MAGI2: variants seen among roughly 807,000 people sequenced by gnomAD.
MAGI2 encodes the protein membrane-associated guanylate kinase, WW and PDZ domain-containing protein 2.
MAGI2 carries 35 observed loss-of-function variants against 133.3 expected under a neutral mutation model. That is an observed-to-expected ratio of 0.26 (90% confidence interval 0.20 to 0.35). The LOEUF (loss-of-function observed/expected upper bound fraction) is 0.35, where lower values mean the gene tolerates loss of function less well. Among genes scored for constraint, MAGI2 ranks in the 10% least tolerant of loss-of-function variants. The pLI is 1.00. For missense variants in MAGI2, 1,636 were observed against 1,863.4 expected, an observed-to-expected ratio of 0.88 and a Z score of 2.25; for synonymous variants, 729 against 710.6, an observed-to-expected ratio of 1.03 and a Z score of -0.41.
chr7:78,387,284 C>T (rs1409670738), intron 6 of MAGI2, among the ~76,000 whole-genome samples: 1 of 152,142 alleles, frequency 6.6e-6, no homozygotes, highest in Non-Finnish European at 1.5e-5. Flanking sequence ...GTCTTTACAA[C>T]TCTAGGCAAA....
At chr7:78,674,589 G>C (rs1320829321) in intron 2 of MAGI2, among the ~76,000 whole-genome samples, 2 of 152,158 alleles carry the variant, frequency 1.3e-5, no homozygotes, top group Non-Finnish European at 1.5e-5. Flanking sequence ...AAATCAATGT[G>C]AATAAGAAAT....
At chr7:78,656,951 T>C (rs1449221489) in intron 2 of MAGI2, among the ~76,000 whole-genome samples, 1 of 143,688 alleles carries the variant, frequency 7.0e-6, no homozygotes, top group Non-Finnish European at 1.5e-5. Flanking sequence ...TACAAAGAAC[T>C]CTTAAAACTC....
At chr7:79,382,965 T>C (rs1349783117) in intron 1 of MAGI2, among the ~76,000 whole-genome samples, 1 of 151,626 alleles carries the variant, frequency 6.6e-6, no homozygotes, top group African/African-American at 2.4e-5. Flanking sequence ...AATAGCAATA[T>C]AAAATAAGTT....
At chr7:78,396,459 A>G (rs2151328241) in intron 6 of MAGI2, among the ~76,000 whole-genome samples, 1 of 152,204 alleles carries the variant, frequency 6.6e-6, no homozygotes, top group Admixed American at 6.5e-5. Context: ...TTTACTTGGA[A>G]CGTTCTTCCT....
chr7:78,649,137 C>T (rs1170534457), intron 2 of MAGI2, among the ~76,000 whole-genome samples: 2 of 144,206 alleles, frequency 1.4e-5, no homozygotes, highest in Admixed American at 7.3e-5. Flanking sequence ...GGTAGTGGCA[C>T]TTTTTTATTT....
At chr7:79,439,439 C>T (rs765494528) in intron 1 of MAGI2, among the ~76,000 whole-genome samples, 6 of 151,630 alleles carry the variant, frequency 4.0e-5, no homozygotes, top group Non-Finnish European at 8.8e-5. Context: ...AGTCTTCAGA[C>T]TCCAAGATCC....
rs149595644 is a variant in MAGI2 at position 78,619,156 on chromosome 7, C to T, written c.538+7964G>A. On this transcript the variant is annotated intron_variant, in intron 3 of 21. Coordinates refer to ENST00000354212, the MANE Select transcript of MAGI2 (RefSeq NM_012301.4). ...CATCACATTATATCCCATAAATATA[C>T]GCAATTATTATGGGTCCATTAAAAA... Among the ~76,000 whole-genome samples the T allele has an allele frequency of 1.9e-3, 293 of 151,168 alleles. 2 individuals carry two copies. The highest frequency in any genetic ancestry group is 6.4e-3 in the African/African-American group (265 of 41,200).
intron 1 of MAGI2, among the ~76,000 whole-genome samples, chr7:79,248,333 A>G (rs144568531): frequency 6.6e-6 from 1 of 152,328 alleles, no homozygotes; most frequent in Non-Finnish European, 1.5e-5. Context: ...ATAAATATAT[A>G]TATTCAATTA....
At chr7:78,718,061 T>C (rs1424016857) in intron 2 of MAGI2, among the ~76,000 whole-genome samples, 1 of 152,212 alleles carries the variant, frequency 6.6e-6, no homozygotes, top group Non-Finnish European at 1.5e-5. Flanking sequence ...GCCTTGCTCA[T>C]TTATCATCAT....
chr7:78,924,654 C>G (rs1799544420), intron 2 of MAGI2, among the ~76,000 whole-genome samples: 1 of 151,878 alleles, frequency 6.6e-6, no homozygotes. Flanking sequence ...GTCTAAAACT[C>G]TCTTTTTTGG....
chr7:78,588,018 G>A (rs1803600266), intron 3 of MAGI2, among the ~76,000 whole-genome samples: 1 of 152,158 alleles, frequency 6.6e-6, no homozygotes, highest in South Asian at 2.1e-4. Flanking sequence ...TACTGGCTGT[G>A]TGTGACTCTA....
Position 78,292,487 on chromosome 7 carries a change from T to C in MAGI2, c.1409-35906A>G, listed in dbSNP as rs12111833. ...TGCTCATGGGTAGGAAGAATCAATA[T>C]CGTGAAAATGGCCATACTGCCCAAG... On this transcript the variant is annotated intron_variant, in intron 9 of 21. Coordinates refer to ENST00000354212, the MANE Select transcript of MAGI2 (RefSeq NM_012301.4). 2.6e-3 allele frequency among the ~76,000 whole-genome samples: 389 copies of C among 152,208 alleles called. 2 individuals are homozygous for C. Among genetic ancestry groups the C allele is most frequent in the African/African-American group, 8.8e-3 (367 of 41,540 alleles).
intron 1 of MAGI2, among the ~76,000 whole-genome samples, chr7:79,026,670 C>T (rs1297213272): frequency 1.3e-5 from 2 of 151,854 alleles, no homozygotes; most frequent in South Asian, 2.1e-4. Flanking sequence ...CTCAGGAGTT[C>T]GAGAGCAGCC....
At chr7:78,316,845 C>T (rs1286805405) in intron 9 of MAGI2, among the ~76,000 whole-genome samples, 1 of 152,112 alleles carries the variant, frequency 6.6e-6, no homozygotes, top group Non-Finnish European at 1.5e-5. Context: ...GGATTCTGGC[C>T]CATGAGCTGA....
At chr7:78,922,389 G>A (rs190444871) in intron 2 of MAGI2, among the ~76,000 whole-genome samples, 40 of 149,000 alleles carry the variant, frequency 2.7e-4, no homozygotes, top group African/African-American at 8.9e-4. Context: ...TCTCCTCCCT[G>A]TGTCCATGTG....
intron 13 of MAGI2, among the ~76,000 whole-genome samples, chr7:78,183,413 G>A (rs548596030): frequency 2.0e-5 from 3 of 151,750 alleles, no homozygotes; most frequent in Admixed American, 2.0e-4. Flanking sequence ...CTACAGGCAA[G>A]CACCACCACG....
rs1809284910 is a variant in MAGI2 at position 79,021,124 on chromosome 7, T to C, written c.302-13918A>G. On this transcript the variant is annotated intron_variant, in intron 1 of 21. Coordinates refer to ENST00000354212, the MANE Select transcript of MAGI2 (RefSeq NM_012301.4). The stretch of plus-strand genomic sequence containing the variant: ...TCAAGAAATGAGGTTGGGGAACTTC[T>C]ACCTAGATTTCAGAGGATGTATGGA... Among the ~76,000 whole-genome samples, 4 of 152,342 alleles carry C rather than the reference T, an allele frequency of 2.6e-5. No homozygotes were observed. The South Asian group carries it at 8.3e-4, about 32-fold the overall frequency.
intron 15 of MAGI2, among the ~76,000 whole-genome samples, chr7:78,161,679 AAAAAAAAAG>A (rs1825011834): frequency 2.1e-5 from 3 of 145,744 alleles, no homozygotes; most frequent in Non-Finnish European, 4.5e-5. Flanking sequence ...AAAAAAAAAA[AAAAAAAAAG>A]AAAAAAAAAA....
intron 1 of MAGI2, among the ~76,000 whole-genome samples, chr7:79,051,366 A>G (rs1812651865): frequency 6.6e-6 from 1 of 152,188 alleles, no homozygotes; most frequent in Non-Finnish European, 1.5e-5. Flanking sequence ...TTGTTTAACT[A>G]CTGATGTGCT....
Sources: gnomAD v4.1 joint callset for allele counts (sites outside exome capture counted in the v4.1 genomes callset) on GRCh38, gnomAD v4.1.1 for gene constraint, MANE v1.5 for transcripts, NCBI Gene and HGNC (gene_info 2026-07-23, HGNC 2026-07-21) for gene names.